The following EPHB1 variants were observed in gnomAD, a reference collection of about 807,000 sequenced individuals.
The protein encoded by EPHB1 is EPH receptor B1.
EPHB1 carries 30 observed loss-of-function variants against 94.4 expected under a neutral mutation model. That is an observed-to-expected ratio of 0.32 (90% confidence interval 0.24 to 0.43). The LOEUF is 0.43. EPHB1 is among the 20% of genes least tolerant of loss of function. The probability of loss-of-function intolerance (pLI) is 1.00; values close to 1 mark genes in which losing one functional copy is unlikely to be tolerated. For synonymous variants in EPHB1, 522 were observed against 489.1 expected (o/e 1.07, Z -0.89); for missense variants, 1,055 against 1,308.3 (o/e 0.81, Z 2.99).
At chr3:135,048,259 CTTTTTTTTTTTTTT>C (rs34135757) in intron 3 of EPHB1, among the ~76,000 whole-genome samples, 14 of 55,210 alleles carry the variant, frequency 2.5e-4, no homozygotes, top group Admixed American at 7.6e-4. Context: ...TTTCTTTTTT[CTTTTTTTTTTTTTT>C]TTTTTTTTTG....
In EPHB1 at chr3:134,965,462, G is replaced by A. The variant is rs111257365; in HGVS notation, c.805+13410G>A. On this transcript the variant is annotated intron_variant, in intron 3 of 15. Transcript: ENST00000398015. ...TGCCTGTAGTCCCAGCACTTTGAGA[G>A]GCCATGGTAGGAGGACTGCTTCAGC... 9.2e-3 allele frequency among the ~76,000 whole-genome samples: 1,397 copies of A among 152,230 alleles called. 14 individuals are homozygous for A. The highest frequency in any genetic ancestry group is 0.031 in the African/African-American group (1,271 of 41,532).
At chr3:134,931,042 C>T (rs1014135083) in intron 2 of EPHB1, among the ~76,000 whole-genome samples, 22 of 152,204 alleles carry the variant, frequency 1.4e-4, no homozygotes, top group African/African-American at 3.1e-4. Context: ...TTCTTGATAC[C>T]TGTCTGCATC....
intron 10 of EPHB1, among the ~76,000 whole-genome samples, chr3:135,185,708 C>T (rs1942308907): frequency 1.3e-5 from 2 of 152,256 alleles, no homozygotes; most frequent in South Asian, 4.1e-4. Context: ...TGAATGTAAC[C>T]CTAGGGCTGT....
intron 2 of EPHB1, among the ~76,000 whole-genome samples, chr3:134,942,877 C>T (rs1340691975): frequency 6.6e-6 from 1 of 152,168 alleles, no homozygotes; most frequent in Non-Finnish European, 1.5e-5. Flanking sequence ...TGAAGGAGCT[C>T]ACAGCCTGGT....
chr3:135,193,544 G>A (rs1942515700), intron 11 of EPHB1, among the ~76,000 whole-genome samples: 1 of 152,190 alleles, frequency 6.6e-6, no homozygotes, highest in Non-Finnish European at 1.5e-5. Flanking sequence ...TGATATCTGG[G>A]GAGTGGAAGC....
At chr3:135,119,985 T>C (rs568667362) in intron 4 of EPHB1, among the ~76,000 whole-genome samples, 1 of 152,370 alleles carries the variant, frequency 6.6e-6, no homozygotes, top group East Asian at 1.9e-4. Context: ...CTGTCTGTTC[T>C]GGCACCAGTT....
rs111228581 is a variant in EPHB1 at position 135,251,427 on chromosome 3, G to T, written c.2846+1936G>T. ...GGGGCCATTGTCACGTAATCCCCCA[G>T]GATCTAAAAGAATTCTCTTAGTCTG... On this transcript the variant is annotated intron_variant, in intron 15 of 15. Transcript: ENST00000398015. 1.5e-3 allele frequency among the ~76,000 whole-genome samples: 234 copies of T among 152,150 alleles called. 1 individual carries two copies. Among genetic ancestry groups the T allele is most frequent in the African/African-American group, 5.4e-3 (223 of 41,486 alleles).
intron 1 of EPHB1, among the ~76,000 whole-genome samples, chr3:134,868,608 T>C (rs2037430886): frequency 6.6e-6 from 1 of 152,146 alleles, no homozygotes; most frequent in African/African-American, 2.4e-5. Flanking sequence ...TCAGAGGGCT[T>C]GAGAAATGGA....
chr3:134,999,986 A>G (rs918925800), intron 3 of EPHB1, among the ~76,000 whole-genome samples: 6 of 152,242 alleles, frequency 3.9e-5, no homozygotes, highest in Admixed American at 3.9e-4. Context: ...CACACAATGC[A>G]CTCTGTGGAG....
chr3:134,962,989 A>G (rs1933581709), intron 3 of EPHB1, among the ~76,000 whole-genome samples: 1 of 152,018 alleles, frequency 6.6e-6, no homozygotes. Context: ...TGCTTGCTGC[A>G]GCTATGCATA....
intron 1 of EPHB1, among the ~76,000 whole-genome samples, chr3:134,806,293 C>G (rs567848864): frequency 3.3e-5 from 5 of 152,310 alleles, no homozygotes; most frequent in African/African-American, 9.6e-5. Context: ...ACCTAGCTCT[C>G]TCTGTTTCTC....
At chr3:135,091,065 C>A (rs544776931) in intron 3 of EPHB1, among the ~76,000 whole-genome samples, 1 of 152,226 alleles carries the variant, frequency 6.6e-6, no homozygotes, top group Non-Finnish European at 1.5e-5. Context: ...TCTTGAGATG[C>A]AGCACCTCTT....
At chr3:134,814,412 T>C (rs1364123811) in intron 1 of EPHB1, among the ~76,000 whole-genome samples, 2 of 151,990 alleles carry the variant, frequency 1.3e-5, no homozygotes, top group African/African-American at 2.4e-5. Context: ...GAAATAGCAA[T>C]TACATTCAAG....
chr3:135,186,259 C>T (rs140559997), intron 10 of EPHB1, among the ~76,000 whole-genome samples: 2 of 152,196 alleles, frequency 1.3e-5, no homozygotes, highest in African/African-American at 4.8e-5. Context: ...CAGGTTCCAT[C>T]TCATGTGCCA....
chr3:135,142,725 G>C (rs1342805420), intron 5 of EPHB1, among the ~76,000 whole-genome samples: 3 of 152,120 alleles, frequency 2.0e-5, no homozygotes, highest in Admixed American at 6.5e-5. Flanking sequence ...GCATGGAAGA[G>C]TTGTAGAGGC....
At chr3:135,130,930 T>A (rs1940393502) in intron 4 of EPHB1, among the ~76,000 whole-genome samples, 1 of 152,030 alleles carries the variant, frequency 6.6e-6, no homozygotes, top group South Asian at 2.1e-4. Context: ...GTGGTATGAG[T>A]CCCATCAGTC....
chr3:134,937,605 G>A (rs1174652852), intron 2 of EPHB1, among the ~76,000 whole-genome samples: 2 of 152,252 alleles, frequency 1.3e-5, no homozygotes, highest in East Asian at 1.9e-4. Context: ...GCTTGAGGCT[G>A]GCCTCTGCTA....
At position 134,998,918 on chromosome 3, in the gene EPHB1, G is replaced by A. The variant is rs563261090; in HGVS notation, c.805+46866G>A. 6.6e-5 allele frequency among the ~76,000 whole-genome samples: 10 copies of A among 152,264 alleles called. No individual in the cohort carries two copies. The South Asian group carries it at 1.9e-3, about 28-fold the overall frequency. ...ACTGGGCTTTGAGGGACATGATGGC[G>A]ACAGGAGGAAGAAGATAAGCCAGGA... On this transcript the variant is annotated intron_variant, in intron 3 of 15. Coordinates refer to ENST00000398015, the MANE Select transcript of EPHB1 (RefSeq NM_004441.5).
intron 1 of EPHB1, among the ~76,000 whole-genome samples, chr3:134,858,248 G>A (rs987463892): frequency 2.0e-5 from 3 of 151,834 alleles, no homozygotes; most frequent in African/African-American, 7.3e-5. Context: ...TGCACTCCTT[G>A]CTTGTGGCCC....
Sources: gnomAD v4.1 joint callset for allele counts (sites outside exome capture counted in the v4.1 genomes callset) on GRCh38, gnomAD v4.1.1 for gene constraint, MANE v1.5 for transcripts, NCBI Gene and HGNC (gene_info 2026-07-23, HGNC 2026-07-21) for gene names.